The following IFI27L1 variants were observed in gnomAD, a reference collection of about 807,000 sequenced individuals.
The protein encoded by IFI27L1 is interferon alpha-inducible protein 27-like protein 1.
In IFI27L1, 3 loss-of-function variants were observed where a neutral mutation model predicts 9.2. The ratio of observed to expected loss-of-function variants is 0.32; its 90% CI spans 0.15 to 0.84. The LOEUF is 0.84. Among genes scored for constraint, IFI27L1 ranks in the 40% least tolerant of loss-of-function variants. The pLI, the probability that IFI27L1 is intolerant of heterozygous loss-of-function variation, is 0.56. For missense variants in IFI27L1, 133 were observed against 134.2 expected (o/e 0.99, Z 0.05); for synonymous variants, 53 against 50.0 (o/e 1.06, Z -0.26).
At chr14:94,100,668 A>G in intron 2 of IFI27L1, 71 bp from the exon 3 acceptor site, 1 of 1,602,688 alleles carries the variant, frequency 6.2e-7, no homozygotes, top group Non-Finnish European at 8.5e-7. Context: ...AGATGGGGGT[A>G]TCAGAGAGTA....
At position 94,092,767 on chromosome 14, in the gene IFI27L1, A is replaced by T. The variant is rs10142028; in HGVS notation, c.-51-4120A>T. Among the ~76,000 whole-genome samples the T allele has an allele frequency of 6.7e-3, 1,017 of 152,206 alleles. 14 individuals are homozygous for T. Among genetic ancestry groups the T allele is most frequent in the African/African-American group, 0.023 (969 of 41,514 alleles). ...TTGAATTGTAGCTCCCATAATTCTG[A>T]TGTGTTGTGGGAGGGACCCAGTGGG... On this transcript the variant is annotated intron_variant, in intron 1 of 4. Coordinates refer to ENST00000555523, the MANE Select transcript of IFI27L1 (RefSeq NM_206949.3).
At chr14:94,102,331 A>G (rs910296447) in intron 4 of IFI27L1, 146 bp from the exon 5 acceptor site, 29 of 594,636 alleles carry the variant, frequency 4.9e-5, no homozygotes, top group Non-Finnish European at 7.4e-5. Context: ...CAGAAATCCT[A>G]GGGTTTTAGG....
intron 1 of IFI27L1, chr14:94,088,208 C>G (rs1292702538): frequency 4.3e-6 from 3 of 701,514 alleles, no homozygotes; most frequent in African/African-American, 3.5e-5. Context: ...TCGGCTTCTT[C>G]TACTGCCAAG....
Position 94,102,609 on chromosome 14 carries a change from T to C in IFI27L1, c.*41T>C. The C allele has an allele frequency of 8.3e-7, 1 of 1,199,914 alleles. No individual in the cohort carries two copies. Among genetic ancestry groups the C allele is most frequent in the South Asian group, 1.6e-5 (1 of 63,082 alleles). The allele number at this position is 1,199,914 out of a possible 1,614,324, so 74.3% of individuals were successfully genotyped here. A position where few individuals can be genotyped will look rare whatever the true frequency, so the allele number is the denominator to read the frequency against. On this transcript the variant is annotated 3_prime_UTR_variant, in exon 5 of 5. Transcript: ENST00000555523. ...AGGGAGTTGGCTCTCTTGGTGGAGA[T>C]GACTTTCCTGGGCCTCTGGATGACA... is the stretch of plus-strand genomic sequence containing the variant.
rs540813800 is a variant in IFI27L1, at chr14:94,085,107, T to C, written c.-52+3658T>C. 7.9e-5 allele frequency among the ~76,000 whole-genome samples: 12 copies of C among 152,302 alleles called. No individual in the cohort carries two copies. In the South Asian group the frequency reaches 2.5e-3, roughly 32 times the overall value. On this transcript the variant is annotated intron_variant, in intron 1 of 4. Coordinates refer to ENST00000555523, the MANE Select transcript of IFI27L1 (RefSeq NM_206949.3). ...CCAGTGGCTGAAGTGGGAGTACTTA[T>C]GAATGTGTTGATTGACTTTCCAAAA... is the stretch of plus-strand genomic sequence containing the variant.
chr14:94,087,552 G>A (rs1283874197), intron 1 of IFI27L1, among the ~76,000 whole-genome samples: 1 of 152,098 alleles, frequency 6.6e-6, no homozygotes, highest in Non-Finnish European at 1.5e-5. Flanking sequence ...TCAGCCTCCC[G>A]AGTAGCTGGG....
intron 3 of IFI27L1, chr14:94,101,093 G>A (rs1886879204): frequency 1.8e-6 from 1 of 544,926 alleles, no homozygotes; most frequent in Non-Finnish European, 3.3e-6. Context: ...TATCCTTGGG[G>A]ACTTTTGAAG....
chr14:94,102,096 C>A, intron 4 of IFI27L1, 121 bp downstream of exon 4: 1 of 1,019,906 alleles, frequency 9.8e-7, no homozygotes, highest in Non-Finnish European at 1.5e-6. Context: ...CTTTGTCTTT[C>A]TGTCACTGTC....
intron 2 of IFI27L1, among the ~76,000 whole-genome samples, chr14:94,098,686 A>C (rs1367274073): frequency 1.3e-5 from 2 of 152,154 alleles, no homozygotes; most frequent in East Asian, 3.9e-4. Context: ...CAAGGAGGTC[A>C]GTGGGGACGT....
chr14:94,101,975 G>A lies in IFI27L1; in HGVS notation c.223G>A (p.Gly75Arg). The A allele has an allele frequency of 6.2e-7, 1 of 1,614,232 alleles. No individual in the cohort carries two copies. Among genetic ancestry groups the A allele is most frequent in the Non-Finnish European group, 8.5e-7 (1 of 1,180,042 alleles). ...TCTGGTGGCTATTCTGCAGTCAGTG[G>A]GTGAGTGTTCTGGACAGGATGACCA... ...GSLVAILQSV[G>R]AAGLSVTSKV... Residue 75 changes from glycine (G) to arginine (R), a missense_variant and splice_region_variant, in exon 4 of 5, where the codon GGG (glycine) becomes AGG (arginine). Physicochemically the swap from Gly to Arg is moderately radical, Grantham distance 125. Transcript: ENST00000555523.
chr14:94,101,338 T>G (rs1474478484), intron 3 of IFI27L1: 1 of 217,082 alleles, frequency 4.6e-6, no homozygotes, highest in Non-Finnish European at 9.1e-6. Context: ...TGCAGATGGC[T>G]CTCTGACTGC....
intron 1 of IFI27L1, among the ~76,000 whole-genome samples, chr14:94,082,863 A>T (rs1285298063): frequency 2.0e-5 from 3 of 152,246 alleles, no homozygotes; most frequent in African/African-American, 7.2e-5. Context: ...TGTTGTTTTC[A>T]TGTCTGTGAA....
intron 1 of IFI27L1, among the ~76,000 whole-genome samples, chr14:94,086,127 A>G (rs146232172): frequency 1.9e-4 from 29 of 152,220 alleles, no homozygotes; most frequent in Middle Eastern, 6.8e-3. Flanking sequence ...CTGCTTCATA[A>G]TAAGTGAGCT....
chr14:94,081,664 C>T (rs1392870110), intron 1 of IFI27L1, among the ~76,000 whole-genome samples: 4 of 152,162 alleles, frequency 2.6e-5, no homozygotes, highest in Admixed American at 2.0e-4. Context: ...GTACAATGCT[C>T]GTACCTAGAT....
chr14:94,085,068 A>G (rs888946681), intron 1 of IFI27L1, among the ~76,000 whole-genome samples: 1 of 152,228 alleles, frequency 6.6e-6, no homozygotes, highest in African/African-American at 2.4e-5. Flanking sequence ...GGACCCATGC[A>G]GAAGCCTCCA....
intron 1 of IFI27L1, among the ~76,000 whole-genome samples, chr14:94,090,151 T>A (rs1475468320): frequency 6.6e-6 from 1 of 152,212 alleles, no homozygotes; most frequent in Non-Finnish European, 1.5e-5. Context: ...CTGATTCCAA[T>A]ATGTGCCCAA....
At chr14:94,088,134 A>T in intron 1 of IFI27L1, 1 of 644,120 alleles carries the variant, frequency 1.6e-6, no homozygotes, top group South Asian at 1.8e-5. Context: ...AAATGACCTG[A>T]ATTGTGCCAA....
At chr14:94,085,559 CCA>C (rs1211261537) in intron 1 of IFI27L1, among the ~76,000 whole-genome samples, 3 of 151,986 alleles carry the variant, frequency 2.0e-5, no homozygotes, top group Non-Finnish European at 4.4e-5. Flanking sequence ...GCGAAACATC[CCA>C]CAGTGTTAAG....
chr14:94,087,552 G>C (rs1283874197), intron 1 of IFI27L1, among the ~76,000 whole-genome samples: 3 of 152,098 alleles, frequency 2.0e-5, no homozygotes, highest in Non-Finnish European at 4.4e-5. Flanking sequence ...TCAGCCTCCC[G>C]AGTAGCTGGG....
Sources: gnomAD v4.1 joint callset for allele counts (sites outside exome capture counted in the v4.1 genomes callset) on GRCh38, gnomAD v4.1.1 for gene constraint, MANE v1.5 for transcripts, NCBI Gene and HGNC (gene_info 2026-07-23, HGNC 2026-07-21) for gene names.